Variants in NCAM2 observed in about 807,000 individuals in gnomAD.
NCAM2 encodes neural cell adhesion molecule 2.
In NCAM2, 30 loss-of-function variants were observed where a neutral mutation model predicts 98.1. The ratio of observed to expected loss-of-function variants is 0.31; its 90% CI spans 0.23 to 0.41. NCAM2 has a LOEUF of 0.41. Ranked by LOEUF, NCAM2 falls within the 10% of genes least tolerant of loss-of-function variation. The probability of loss-of-function intolerance (pLI) is 1.00; values close to 1 mark genes in which losing one functional copy is unlikely to be tolerated. For missense variants in NCAM2, 867 were observed against 1,005.8 expected, an observed-to-expected ratio of 0.86 and a Z score of 1.87; for synonymous variants, 368 against 342.4, an observed-to-expected ratio of 1.07 and a Z score of -0.83.
chr21:21,373,523 A>G (rs185674837), intron 8 of NCAM2, among the ~76,000 whole-genome samples: 2 of 151,976 alleles, frequency 1.3e-5, no homozygotes, highest in Admixed American at 6.6e-5. Context: ...AATTGACGGT[A>G]TCCAAATTGT....
rs1384131369 is a variant in NCAM2 at position 21,540,771 on chromosome 21, TG to T, written c.*2816del. 6.6e-6 allele frequency: 1 copy of T among 151,930 alleles called. No individual in the cohort carries two copies. The highest frequency in any genetic ancestry group is 2.4e-5 in the African/African-American group (1 of 41,428). 9.4% of individuals were successfully genotyped at this position (151,930 alleles called of 1,614,324 possible). A position where few individuals can be genotyped will look rare whatever the true frequency, so the allele number is the denominator to read the frequency against. The stretch of plus-strand genomic sequence containing the variant: ...AGAGGCAAAGATATCACCTAAAACT[TG>T]GTATTTCTTGATAGGTTAGGTGCAA... On this transcript the variant is annotated 3_prime_UTR_variant, in exon 18 of 18. Coordinates refer to ENST00000400546, the MANE Select transcript of NCAM2 (RefSeq NM_004540.5).
intron 11 of NCAM2, among the ~76,000 whole-genome samples, chr21:21,419,034 T>G (rs1334483995): frequency 6.6e-6 from 1 of 152,146 alleles, no homozygotes; most frequent in East Asian, 1.9e-4. Flanking sequence ...TTCCAAAACC[T>G]TAGACTTTAG....
chr21:21,123,557 G>A (rs909185508), intron 1 of NCAM2, among the ~76,000 whole-genome samples: 1 of 151,994 alleles, frequency 6.6e-6, no homozygotes, highest in Non-Finnish European at 1.5e-5. Flanking sequence ...ACTGGTTCCC[G>A]AGATCAACCT....
chr21:21,256,595 G>A (rs1429299193), intron 1 of NCAM2, among the ~76,000 whole-genome samples: 2 of 152,062 alleles, frequency 1.3e-5, no homozygotes, highest in Non-Finnish European at 2.9e-5. Context: ...ATTTGTTGAT[G>A]ACATAAAGCT....
At chr21:21,532,445 A>G (rs1359666593) in intron 16 of NCAM2, among the ~76,000 whole-genome samples, 2 of 152,142 alleles carry the variant, frequency 1.3e-5, no homozygotes, top group African/African-American at 2.4e-5. Context: ...AAGAATTGTA[A>G]AGGCTACTAA....
At chr21:21,412,241 G>A (rs1020142996) in intron 10 of NCAM2, among the ~76,000 whole-genome samples, 10 of 152,260 alleles carry the variant, frequency 6.6e-5, no homozygotes, top group African/African-American at 1.9e-4. Flanking sequence ...TCCTCTGTGC[G>A]CACACAGAGT....
At chr21:21,507,838 CAT>C (rs975933326) in intron 15 of NCAM2, among the ~76,000 whole-genome samples, 3 of 149,516 alleles carry the variant, frequency 2.0e-5, no homozygotes, top group Admixed American at 6.7e-5. Context: ...TAATTCTTAA[CAT>C]GTGTTAAGAA....
chr21:21,492,607 G>C, intron 15 of NCAM2, among the ~76,000 whole-genome samples: 1 of 151,912 alleles, frequency 6.6e-6, no homozygotes, highest in Middle Eastern at 3.4e-3. Flanking sequence ...ATTGTTGGTA[G>C]AGATAGGTAA....
At chr21:21,507,995 C>T (rs182077927) in intron 15 of NCAM2, among the ~76,000 whole-genome samples, 2 of 152,192 alleles carry the variant, frequency 1.3e-5, no homozygotes, top group African/African-American at 4.8e-5. Flanking sequence ...ACTACAAACA[C>T]GTAACACGTG....
rs530902726 is a variant in NCAM2 at position 21,072,816 on chromosome 21, TA to T, written c.55+74202del. Among the ~76,000 whole-genome samples, 449 of 152,286 alleles carry T rather than the reference TA, an allele frequency of 2.9e-3. 3 individuals are homozygous for T. The highest frequency in any genetic ancestry group is 0.011 in the African/African-American group (440 of 41,570). On this transcript the variant is annotated intron_variant, in intron 1 of 17. Coordinates refer to ENST00000400546, the MANE Select transcript of NCAM2 (RefSeq NM_004540.5). ...ATTTATTTATAACTTTCTCTCGTGG[TA>T]AAATATACATAATATACAATTTATC...
At chr21:21,074,907 A>G (rs1455076252) in intron 1 of NCAM2, among the ~76,000 whole-genome samples, 3 of 152,212 alleles carry the variant, frequency 2.0e-5, no homozygotes, top group Admixed American at 6.5e-5. Flanking sequence ...TTACGGCACT[A>G]TTCACAATAG....
intron 7 of NCAM2, among the ~76,000 whole-genome samples, chr21:21,337,011 T>G (rs1393446228): frequency 2.0e-5 from 3 of 152,120 alleles, no homozygotes. Context: ...ATACTTAACA[T>G]TTTTAGAAAT....
intron 5 of NCAM2, among the ~76,000 whole-genome samples, chr21:21,299,612 T>C (rs2073635169): frequency 7.1e-6 from 1 of 140,954 alleles, no homozygotes; most frequent in African/African-American, 2.5e-5. Flanking sequence ...CCTCCCTCCC[T>C]TTTTAGCCAG....
intron 16 of NCAM2, among the ~76,000 whole-genome samples, chr21:21,525,482 A>G (rs935615229): frequency 5.8e-4 from 89 of 152,160 alleles, no homozygotes; most frequent in Admixed American, 5.8e-3. Flanking sequence ...AAGCAATCTG[A>G]ACAGACCTTT....
At chr21:21,327,320 A>AAG (rs1735776756) in intron 6 of NCAM2, among the ~76,000 whole-genome samples, 2 of 151,508 alleles carry the variant, frequency 1.3e-5, no homozygotes, top group Non-Finnish European at 2.9e-5. Context: ...AAAAAAAAAA[A>AAG]AAAAAAAAAA....
At chr21:21,429,336 A>C (rs939262808) in intron 11 of NCAM2, among the ~76,000 whole-genome samples, 2 of 152,226 alleles carry the variant, frequency 1.3e-5, no homozygotes. Context: ...GAGTAAAAAC[A>C]AACAATCATG....
At chr21:21,282,092 C>T (rs530849765) in intron 2 of NCAM2, among the ~76,000 whole-genome samples, 8 of 151,846 alleles carry the variant, frequency 5.3e-5, no homozygotes, top group African/African-American at 1.7e-4. Flanking sequence ...GATTCAGCAT[C>T]ATATATTATG....
intron 6 of NCAM2, among the ~76,000 whole-genome samples, chr21:21,327,330 A>AAAAAAAAAAAC (rs2074545707): frequency 6.7e-6 from 1 of 149,780 alleles, no homozygotes; most frequent in African/African-American, 2.4e-5. Context: ...AAAAAAAAAA[A>AAAAAAAAAAAC]TTTCTTTTCC....
intron 16 of NCAM2, among the ~76,000 whole-genome samples, chr21:21,516,810 C>T (rs1238877792): frequency 6.6e-6 from 1 of 152,156 alleles, no homozygotes; most frequent in Non-Finnish European, 1.5e-5. Context: ...CTCAAACCAT[C>T]TTGGAGAATG....
Sources: allele counts gnomAD v4.1 joint callset (sites outside exome capture counted in the v4.1 genomes callset), GRCh38; gene constraint gnomAD v4.1.1; transcripts MANE v1.5; gene names NCBI Gene and HGNC (gene_info 2026-07-23, HGNC 2026-07-21).